The following GALNT13 variants were observed in gnomAD, a reference collection of about 807,000 sequenced individuals.
GALNT13 encodes polypeptide N-acetylgalactosaminyltransferase 13.
GALNT13 carries 28 observed loss-of-function variants against 64.2 expected under a neutral mutation model. The observed-to-expected ratio is 0.44, with a 90% CI of 0.32 to 0.60. GALNT13 has a LOEUF of 0.60. Among genes scored for constraint, GALNT13 ranks in the 20% least tolerant of loss-of-function variants. GALNT13 has a pLI of 0.05. For missense variants in GALNT13, 577 were observed against 669.8 expected (o/e 0.86, Z 1.53); for synonymous variants, 214 against 224.6 (o/e 0.95, Z 0.42).
intron 2 of GALNT13, among the ~76,000 whole-genome samples, chr2:153,905,217 A>G (rs1211410308): frequency 6.6e-6 from 1 of 151,970 alleles, no homozygotes; most frequent in Non-Finnish European, 1.5e-5. Flanking sequence ...ATTGTTAAGT[A>G]AATTTTTAAA....
At chr2:153,884,841 GTGTA>G (rs1203924905) in intron 1 of GALNT13, among the ~76,000 whole-genome samples, 31 of 91,922 alleles carry the variant, frequency 3.4e-4, no homozygotes, top group Admixed American at 1.8e-3. Flanking sequence ...GTGTGTGTGT[GTGTA>G]TATATGTATA....
intron 8 of GALNT13, among the ~76,000 whole-genome samples, chr2:154,273,991 A>G (rs1175032022): frequency 6.6e-6 from 1 of 152,022 alleles, no homozygotes; most frequent in Non-Finnish European, 1.5e-5. Context: ...TTTTCTCATT[A>G]TTTTGTTTCT....
intron 11 of GALNT13, among the ~76,000 whole-genome samples, chr2:154,418,758 T>G (rs1270038909): frequency 6.6e-6 from 1 of 152,168 alleles, no homozygotes; most frequent in Non-Finnish European, 1.5e-5. Flanking sequence ...AGAAACAGTA[T>G]AGCTCAGAGT....
the GALNT13 span, among the ~76,000 whole-genome samples, chr2:153,820,546 A>G: frequency 1.3e-5 from 2 of 152,196 alleles, no homozygotes; most frequent in African/African-American, 4.8e-5. Context: ...GAAACCTTAC[A>G]AAACAGAAGA....
At chr2:154,345,310 G>T (rs1696010043) in intron 9 of GALNT13, among the ~76,000 whole-genome samples, 1 of 151,934 alleles carries the variant, frequency 6.6e-6, no homozygotes, top group Admixed American at 6.6e-5. Context: ...CCTCACAAAA[G>T]GATTCAAGCT....
the GALNT13 span, among the ~76,000 whole-genome samples, chr2:153,622,090 ACAT>A: frequency 6.6e-6 from 1 of 152,168 alleles, no homozygotes; most frequent in Non-Finnish European, 1.5e-5. Flanking sequence ...TTGAGAGGTA[ACAT>A]CATTGGAATG....
the GALNT13 span, among the ~76,000 whole-genome samples, chr2:153,579,646 A>G: frequency 1.3e-5 from 2 of 152,182 alleles, no homozygotes; most frequent in Admixed American, 6.5e-5. Context: ...CCCCTGGGCC[A>G]TGGACCTGTA....
At chr2:153,302,858 C>A in the GALNT13 span, among the ~76,000 whole-genome samples, 1 of 152,064 alleles carries the variant, frequency 6.6e-6, no homozygotes, top group African/African-American at 2.4e-5. Flanking sequence ...ACTGTAAATG[C>A]ATGAGTTTAT....
chr2:154,267,995 T>C (rs2105916457), intron 8 of GALNT13, among the ~76,000 whole-genome samples: 1 of 152,288 alleles, frequency 6.6e-6, no homozygotes, highest in South Asian at 2.1e-4. Context: ...GGTGATAATA[T>C]GGAAGAACTG....
the GALNT13 span, among the ~76,000 whole-genome samples, chr2:153,843,230 T>C: frequency 3.3e-4 from 51 of 152,344 alleles, no homozygotes; most frequent in African/African-American, 1.2e-3. Flanking sequence ...TGACATATGC[T>C]GGGCTTCTAG....
the GALNT13 span, among the ~76,000 whole-genome samples, chr2:153,671,541 C>G: frequency 6.6e-6 from 1 of 152,154 alleles, no homozygotes; most frequent in South Asian, 2.1e-4. Flanking sequence ...TACAAGAGCT[C>G]CTGAAGGAAG....
intron 3 of GALNT13, among the ~76,000 whole-genome samples, chr2:153,957,988 A>C (rs1692691473): frequency 4.6e-5 from 7 of 152,236 alleles, no homozygotes; most frequent in Admixed American, 4.6e-4. Context: ...AAGCCAAATT[A>C]GACATAGAAA....
intron 3 of GALNT13, among the ~76,000 whole-genome samples, chr2:153,956,114 A>G (rs1311580570): frequency 6.6e-6 from 1 of 152,256 alleles, no homozygotes; most frequent in Non-Finnish European, 1.5e-5. Flanking sequence ...GAGGTTACAC[A>G]TTGAGGAACA....
intron 9 of GALNT13, among the ~76,000 whole-genome samples, chr2:154,341,523 A>T (rs905561673): frequency 1.3e-5 from 2 of 152,080 alleles, no homozygotes; most frequent in Non-Finnish European, 2.9e-5. Context: ...TATTCCAGAC[A>T]TAGGTGGGAC....
the GALNT13 span, among the ~76,000 whole-genome samples, chr2:153,403,471 T>C: frequency 7.0e-4 from 107 of 152,284 alleles, no homozygotes; most frequent in Admixed American, 2.4e-3. Context: ...TCGAGCTTCC[T>C]GGCTGCTTTG....
At chr2:154,206,243 C>T (rs559361282) in intron 4 of GALNT13, among the ~76,000 whole-genome samples, 90 of 151,790 alleles carry the variant, frequency 5.9e-4, no homozygotes, top group Non-Finnish European at 9.6e-4. Flanking sequence ...CCTTGTGATC[C>T]GCCCGCCTCG....
At chr2:153,752,905 C>G in the GALNT13 span, among the ~76,000 whole-genome samples, 1 of 152,104 alleles carries the variant, frequency 6.6e-6, no homozygotes, top group Non-Finnish European at 1.5e-5. Flanking sequence ...AGGCTATTTT[C>G]TAGATCTTAT....
the GALNT13 span, among the ~76,000 whole-genome samples, chr2:153,529,982 G>A: frequency 0.2 from 29,852 of 151,950 alleles, 4,517 homozygotes; most frequent in African/African-American, 0.42. Context: ...TAAGATCTGG[G>A]ACATGATAAG....
chr2:153,791,001 G>A, the GALNT13 span, among the ~76,000 whole-genome samples: 2 of 152,014 alleles, frequency 1.3e-5, no homozygotes, highest in South Asian at 4.1e-4. Context: ...TAAAAGCATG[G>A]CAACAAAAGC....
Sources: gnomAD v4.1 joint callset for allele counts (sites outside exome capture counted in the v4.1 genomes callset) on GRCh38, gnomAD v4.1.1 for gene constraint, MANE v1.5 for transcripts, NCBI Gene and HGNC (gene_info 2026-07-23, HGNC 2026-07-21) for gene names.